Variants in DPF3 observed in about 807,000 individuals in gnomAD.
DPF3 encodes double PHD fingers 3.
In DPF3, 18 loss-of-function variants were observed where a neutral mutation model predicts 56.8. The observed-to-expected ratio is 0.32, with a 90% confidence interval of 0.22 to 0.47. The LOEUF (loss-of-function observed/expected upper bound fraction) is 0.47. Ranked by LOEUF, DPF3 falls within the 20% of genes least tolerant of loss-of-function variation. The pLI is 1.00. For missense variants in DPF3, 403 were observed against 488.8 expected, an observed-to-expected ratio of 0.82 and a Z score of 1.65; for synonymous variants, 188 against 180.2, an observed-to-expected ratio of 1.04 and a Z score of -0.35.
chr14:72,665,159 G>A (rs191203337), intron 8 of DPF3, among the ~76,000 whole-genome samples: 343 of 152,074 alleles, frequency 2.3e-3, no homozygotes, highest in Non-Finnish European at 4.1e-3. Flanking sequence ...GAGATCCATG[G>A]CAAAAATAAT....
intron 1 of DPF3, among the ~76,000 whole-genome samples, chr14:72,850,958 C>T (rs1001178322): frequency 4.6e-5 from 7 of 152,176 alleles, no homozygotes; most frequent in African/African-American, 1.7e-4. Context: ...GTATCAGTCC[C>T]ACTGCCCCAT....
chr14:72,812,010 C>T (rs1883067847), intron 1 of DPF3, among the ~76,000 whole-genome samples: 1 of 152,170 alleles, frequency 6.6e-6, no homozygotes, highest in South Asian at 2.1e-4. Flanking sequence ...GTCTTGGAAC[C>T]TCTTGCCTCC....
intron 3 of DPF3, among the ~76,000 whole-genome samples, chr14:72,735,385 C>T (rs116976786): frequency 0.011 from 1,655 of 152,284 alleles, 20 homozygotes; most frequent in Non-Finnish European, 0.016. Flanking sequence ...TCCTGCTCTT[C>T]CTTCCTCCTC....
At chr14:72,822,542 A>G (rs1373027913) in intron 1 of DPF3, among the ~76,000 whole-genome samples, 2 of 152,238 alleles carry the variant, frequency 1.3e-5, no homozygotes, top group Non-Finnish European at 2.9e-5. Context: ...ATACAGAAGA[A>G]AAAACAAAAC....
At chr14:72,634,586 G>A (rs1014064440) in intron 8 of DPF3, among the ~76,000 whole-genome samples, 9 of 152,094 alleles carry the variant, frequency 5.9e-5, no homozygotes, top group African/African-American at 2.2e-4. Context: ...AATACTTATG[G>A]TCACTTGATA....
intron 8 of DPF3, among the ~76,000 whole-genome samples, chr14:72,632,761 G>A (rs1885241602): frequency 7.6e-6 from 1 of 131,444 alleles, no homozygotes; most frequent in Non-Finnish European, 1.6e-5. Flanking sequence ...GGAGGGAGGG[G>A]AAGGGGAGAG....
At chr14:72,853,790 T>C (rs1045565938) in intron 1 of DPF3, among the ~76,000 whole-genome samples, 2 of 152,096 alleles carry the variant, frequency 1.3e-5, no homozygotes, top group South Asian at 4.1e-4. Context: ...ATACACAAAA[T>C]AATTGCAAAC....
rs1236359292 is a variant in DPF3 at position 72,696,096 on chromosome 14, A to G, written c.605-2883T>C. ...AGCAAATTATGGGGTCATTGCATAT[A>G]AATCCATTTAGTTGCCAGGCATACT... On this transcript the variant is annotated intron_variant, in intron 6 of 10. Transcript: ENST00000556509. Among the ~76,000 whole-genome samples, 4 of 152,310 alleles carry G rather than the reference A, an allele frequency of 2.6e-5. No individual in the cohort carries two copies. The South Asian group carries it at 6.2e-4, about 24-fold the overall frequency.
At chr14:72,845,926 A>T (rs548847646) in intron 1 of DPF3, among the ~76,000 whole-genome samples, 1 of 152,074 alleles carries the variant, frequency 6.6e-6, no homozygotes, top group Admixed American at 6.6e-5. Context: ...AGCACCCGGC[A>T]GGGCGATTTT....
At chr14:72,756,898 A>AAAAAAAGAAAG (rs1890841428) in intron 2 of DPF3, among the ~76,000 whole-genome samples, 2 of 42,822 alleles carry the variant, frequency 4.7e-5, no homozygotes, top group African/African-American at 1.4e-4. Flanking sequence ...AGAAAGAAAG[A>AAAAAAAGAAAG]AAAGAAAAAA....
chr14:72,629,021 A>C (rs1210637221), intron 9 of DPF3, among the ~76,000 whole-genome samples: 1 of 152,250 alleles, frequency 6.6e-6, no homozygotes, highest in Non-Finnish European at 1.5e-5. Flanking sequence ...ATTCAAATAA[A>C]CAGGCTGTAA....
rs1883572158 is a variant in DPF3 at position 72,609,061 on chromosome 14, A to G, written c.*10236T>C. ...GTTTTAAAGCCTTTTATTTGTTTAC[A>G]CATTCTCTAAATTGCAGACAAAAGA... On this transcript the variant is annotated 3_prime_UTR_variant, in exon 11 of 11. Coordinates refer to ENST00000556509, the MANE Select transcript of DPF3 (RefSeq NM_001280542.3). Among the ~76,000 whole-genome samples, 1 of 152,254 alleles carries G rather than the reference A, an allele frequency of 6.6e-6. No homozygotes were observed. Among genetic ancestry groups the G allele is most frequent in the African/African-American group, 2.4e-5 (1 of 41,468 alleles).
At chr14:72,620,454 T>C (rs1339921047) in intron 9 of DPF3, among the ~76,000 whole-genome samples, 1 of 152,204 alleles carries the variant, frequency 6.6e-6, no homozygotes, top group Non-Finnish European at 1.5e-5. Context: ...CAGAACCTCT[T>C]CAGGGTTTCA....
intron 1 of DPF3, among the ~76,000 whole-genome samples, chr14:72,794,441 C>T (rs982611465): frequency 1.3e-5 from 2 of 152,190 alleles, no homozygotes; most frequent in Non-Finnish European, 2.9e-5. Flanking sequence ...ATTGCCCCAC[C>T]ACCACCATCT....
intron 2 of DPF3, 63 bp downstream of exon 2, chr14:72,771,670 G>A (rs375433988): frequency 2.9e-5 from 45 of 1,534,922 alleles, no homozygotes; most frequent in Admixed American, 1.9e-4. Flanking sequence ...GACAAGCTGC[G>A]GTCCTCCTCC....
chr14:72,642,943 T>A (rs929901182), intron 8 of DPF3, among the ~76,000 whole-genome samples: 1 of 152,238 alleles, frequency 6.6e-6, no homozygotes, highest in Non-Finnish European at 1.5e-5. Context: ...AGCACCTTTC[T>A]ATTGACTGAT....
Position 72,852,454 on chromosome 14 carries a change from C to G in DPF3, c.32+41603G>C, listed in dbSNP as rs201008711. Among the ~76,000 whole-genome samples, 21 of 152,322 alleles carry G rather than the reference C, an allele frequency of 1.4e-4. No homozygotes were observed. The East Asian group carries it at 3.9e-3, about 28-fold the overall frequency. Reference sequence around the variant, plus strand: ...TAACCGCCCCCAACACACTCACACCCCCTTGCCTGAAATGGGGAGAGGGGT... The same window carrying G: ...TAACCGCCCCCAACACACTCACACCGCCTTGCCTGAAATGGGGAGAGGGGT... On this transcript the variant is annotated intron_variant, in intron 1 of 10. Transcript: ENST00000556509.
chr14:72,850,127 A>G (rs1034558000), intron 1 of DPF3, among the ~76,000 whole-genome samples: 2 of 152,054 alleles, frequency 1.3e-5, no homozygotes, highest in South Asian at 4.2e-4. Context: ...TAAAAAAAAA[A>G]TTAGCTAGGT....
chr14:72,769,649 C>T (rs1017053024), intron 2 of DPF3, among the ~76,000 whole-genome samples: 21 of 140,110 alleles, frequency 1.5e-4, no homozygotes, highest in Non-Finnish European at 3.0e-4. Flanking sequence ...CACTGCACTC[C>T]AGCCTGGCTA....
Sources: gnomAD v4.1 joint callset for allele counts (sites outside exome capture counted in the v4.1 genomes callset) on GRCh38, gnomAD v4.1.1 for gene constraint, MANE v1.5 for transcripts, NCBI Gene and HGNC (gene_info 2026-07-23, HGNC 2026-07-21) for gene names.